APOH: variants seen among roughly 807,000 people sequenced by gnomAD.
APOH encodes the protein apolipoprotein H, also known as beta-2-glycoprotein 1.
APOH carries 48 observed loss-of-function variants against 39.8 expected under a neutral mutation model. The observed-to-expected ratio is 1.21, with a 90% CI of 0.96 to 1.54. The LOEUF (loss-of-function observed/expected upper bound fraction) is 1.54, where lower values mean the gene tolerates loss of function less well. Among genes scored for constraint, APOH ranks in the 40% most tolerant of loss-of-function variants. The pLI, the probability that APOH is intolerant of heterozygous loss-of-function variation, is 0.00. For synonymous variants in APOH, 153 were observed against 151.1 expected (o/e 1.01, Z -0.09); for missense variants, 415 against 421.2 (o/e 0.99, Z 0.13).
In APOH at chr17:66,212,121, C is replaced by A; in HGVS notation, c.*12G>T. Reference sequence around the variant, plus strand: ...ACAAGTGTGACATTTTGTGTGGAATCTGAAAACCACCTTAGCATGGCTTTA... The same window carrying A: ...ACAAGTGTGACATTTTGTGTGGAATATGAAAACCACCTTAGCATGGCTTTA... On this transcript the variant is annotated 3_prime_UTR_variant, in exon 8 of 8. Coordinates refer to ENST00000205948, the MANE Select transcript of APOH (RefSeq NM_000042.3). 6.2e-7 allele frequency: 1 copy of A among 1,611,258 alleles called. No individual in the cohort carries two copies. Among genetic ancestry groups the A allele is most frequent in the Non-Finnish European group, 8.5e-7 (1 of 1,177,566 alleles).
intron 7 of APOH, among the ~76,000 whole-genome samples, chr17:66,213,052 A>C (rs778862618): frequency 2.0e-5 from 3 of 152,204 alleles, no homozygotes; most frequent in Admixed American, 2.0e-4. Context: ...AACCAACCCC[A>C]TGAGGTGGGT....
chr17:66,215,283 A>G (rs1333235697), intron 6 of APOH, among the ~76,000 whole-genome samples: 1 of 152,178 alleles, frequency 6.6e-6, no homozygotes, highest in East Asian at 1.9e-4. Context: ...CAGAGACCAC[A>G]TTTCTCCCTG....
At chr17:66,221,266 A>AAAGG (rs369169198) in intron 4 of APOH, among the ~76,000 whole-genome samples, 2,952 of 120,354 alleles carry the variant, frequency 0.025, 137 homozygotes, top group African/African-American at 0.075. Flanking sequence ...AGAGAGAAAG[A>AAAGG]AAGGAAGGAA....
Position 66,220,598 on chromosome 17 carries a change from G to GC in APOH, c.559_560insG (p.Thr187SerfsTer10). 6.2e-7 allele frequency: 1 copy of GC among 1,614,174 alleles called. No homozygotes were observed. The highest frequency in any genetic ancestry group is 1.3e-5 in the African/African-American group (1 of 75,048). On this transcript the variant is annotated frameshift_variant, in exon 5 of 8. Coordinates refer to ENST00000205948, the MANE Select transcript of APOH (RefSeq NM_000042.3). LOFTEE classifies it high-confidence loss of function. ...AGTCCAATTTCCATGTGTCGTGCAG[G>GC]TAATTGTATCATTTCCAAACATCGC... is the stretch of plus-strand genomic sequence containing the variant.
rs550030319 is a variant in APOH at position 66,212,746 on chromosome 17, A to G, written c.983-558T>C. On this transcript the variant is annotated intron_variant, in intron 7 of 7. Coordinates refer to ENST00000205948, the MANE Select transcript of APOH (RefSeq NM_000042.3). ...CAGTGAAGACTGTTCTATAACAGTCAAGATTAAAGGGGAAAAAACAGTATC... is the reference window on the plus strand; with the variant it reads ...CAGTGAAGACTGTTCTATAACAGTCGAGATTAAAGGGGAAAAAACAGTATC... 3.3e-5 allele frequency among the ~76,000 whole-genome samples: 5 copies of G among 152,338 alleles called. No homozygotes were observed. In the South Asian group the frequency reaches 1.0e-3, roughly 32 times the overall value.
At chr17:66,217,724 A>T (rs1235579750) in intron 5 of APOH, among the ~76,000 whole-genome samples, 2 of 152,046 alleles carry the variant, frequency 1.3e-5, no homozygotes, top group Admixed American at 6.6e-5. Context: ...GCTGAGGTGG[A>T]TGCTGAGGAG....
Position 66,228,191 on chromosome 17 carries a change from G to A in APOH, c.70C>T (p.Pro24Ser). ...CHVAIAGRTC[P>S]KPDDLPFSTV... ...GAAAATGGTAAATCATCTGGCTTGG[G>A]ACAGGCTGAAAGAGGGCACAAAGCA... The change falls in exon 2 of 8, where the codon CCC becomes TCC. Residue 24 changes from proline (P) to serine (S), a missense_variant. Pro to Ser is a moderately conservative substitution (Grantham distance 74, BLOSUM62 -1). Coordinates refer to ENST00000205948, the MANE Select transcript of APOH (RefSeq NM_000042.3). 6.2e-7 allele frequency: 1 copy of A among 1,613,558 alleles called. No homozygotes were observed. The highest frequency in any genetic ancestry group is 1.1e-5 in the South Asian group (1 of 90,990).
At chr17:66,226,900 T>A (rs896113529) in intron 2 of APOH, among the ~76,000 whole-genome samples, 1 of 134,032 alleles carries the variant, frequency 7.5e-6, no homozygotes, top group African/African-American at 2.9e-5. Context: ...TATTTATTTT[T>A]TTTTTTGAGA....
intron 6 of APOH, among the ~76,000 whole-genome samples, chr17:66,214,943 A>T (rs2073355944): frequency 6.7e-6 from 1 of 149,468 alleles, no homozygotes; most frequent in Non-Finnish European, 1.5e-5. Flanking sequence ...AAAAAAAGCA[A>T]CTAACAGATA....
chr17:66,225,833 C>A (rs8178909), intron 3 of APOH, among the ~76,000 whole-genome samples, 195 bp downstream of exon 3: 142 of 151,562 alleles, frequency 9.4e-4, no homozygotes, highest in African/African-American at 3.1e-3. Context: ...GCCGAGACTG[C>A]ACCACTGCGC....
chr17:66,214,671 A>G (rs546354426), intron 6 of APOH, 21 bp from the exon 7 acceptor site: 1 of 1,592,952 alleles, frequency 6.3e-7, no homozygotes, highest in East Asian at 2.2e-5. Flanking sequence ...GAATACTTGT[A>G]ATCAGGACTT....
In APOH at chr17:66,220,473, C is replaced by T. The variant is rs8178926; in HGVS notation, c.604+81G>A. 4,638 of 1,375,336 alleles carry T rather than the reference C, an allele frequency of 3.4e-3. 131 individuals carry two copies. In the African/African-American group the frequency reaches 0.055, roughly 16 times the overall value. 85.2% of individuals were successfully genotyped at this position (1,375,336 alleles called of 1,614,324 possible). A position where few individuals can be genotyped will look rare whatever the true frequency, so the allele number is the denominator to read the frequency against. The stretch of plus-strand genomic sequence containing the variant: ...TTGAATGAGTTCATTGGAAACACTC[C>T]ATGATAGTCAGAATTTTCAATACCT... On this transcript the variant is annotated intron_variant, in intron 5 of 7. Transcript: ENST00000205948.
intron 6 of APOH, 151 bp from the exon 7 acceptor site, chr17:66,214,801 A>G (rs192681487): frequency 1.5e-6 from 1 of 652,816 alleles, no homozygotes; most frequent in East Asian, 2.7e-5. Context: ...TAATGGTAAT[A>G]TGATTGCTAA....
intron 4 of APOH, 58 bp from the exon 5 acceptor site, chr17:66,220,800 C>G (rs1598551696): frequency 2.1e-6 from 3 of 1,447,810 alleles, no homozygotes; most frequent in East Asian, 2.3e-5. Flanking sequence ...TAAATATACT[C>G]TTTCCAGAAA....
At position 66,229,348 on chromosome 17, in the gene APOH, C is replaced by T; in HGVS notation, c.32G>A (p.Ser11Asn). ...TGCAATAGCAACATGGCAGAGAAAA[C>T]TCGAGAACAAGATGAGCACTGGAGA... MISPVLILFS[S>N]FLCHVAIAGR... is the part of the protein sequence containing the mutation. The change falls in exon 1 of 8, where the codon AGT becomes AAT. Residue 11 changes from serine to asparagine, a missense_variant. By Grantham distance (46) the Ser-to-Asn change is conservative. This residue lies in a region of APOH where 288 missense variants were observed against 284.9 expected (regional missense o/e 1.01). Coordinates refer to ENST00000205948, the MANE Select transcript of APOH (RefSeq NM_000042.3). 6 of 1,613,812 alleles carry T rather than the reference C, an allele frequency of 3.7e-6. No individual in the cohort carries two copies. Among genetic ancestry groups the T allele is most frequent in the Non-Finnish European group, 5.1e-6 (6 of 1,179,820 alleles).
intron 6 of APOH, among the ~76,000 whole-genome samples, chr17:66,215,530 C>T (rs537762568): frequency 1.4e-4 from 22 of 152,314 alleles, no homozygotes; most frequent in African/African-American, 3.1e-4. Context: ...CTCGAATCCC[C>T]GTCTCAGGCT....
intron 4 of APOH, 126 bp from the exon 5 acceptor site, chr17:66,220,868 G>T: frequency 9.8e-7 from 1 of 1,023,048 alleles, no homozygotes; most frequent in African/African-American, 1.6e-5. Context: ...AATTAGCAGG[G>T]TAAAAATTGT....
chr17:66,220,691 T>C lies in APOH; in HGVS notation c.467A>G (p.Tyr156Cys), dbSNP rs2073392343. 4 of 1,614,106 alleles carry C rather than the reference T, an allele frequency of 2.5e-6. No individual in the cohort carries two copies. The highest frequency in any genetic ancestry group is 3.4e-6 in the Non-Finnish European group (4 of 1,180,012). Reference protein sequence around the residue: ...SIPTFATLRVYKPSAGNNSLY... With the variant: ...SIPTFATLRVCKPSAGNNSLY... ...GGAATTGTTTCCAGCTGATGGCTTA[T>C]AAACACGAAGTGTTGCAAACGTAGG... The change falls in exon 5 of 8, where the codon TAT becomes TGT. Residue 156 changes from tyrosine to cysteine, a missense_variant. Transcript: ENST00000205948.
chr17:66,216,786 A>G lies in APOH; in HGVS notation c.784+2T>C. 1.9e-6 allele frequency: 3 copies of G among 1,587,844 alleles called. No individual in the cohort carries two copies. The highest frequency in any genetic ancestry group is 2.6e-6 in the Non-Finnish European group (3 of 1,169,212). ...TACAGGACCTCGCCTATATTTCCAT[A>G]CCTTTACAACTTGGCATGGCAGACC... On this transcript the variant is annotated splice_donor_variant, in intron 6 of 7. Coordinates refer to ENST00000205948, the MANE Select transcript of APOH (RefSeq NM_000042.3). LOFTEE classifies it high-confidence loss of function.
Sources: allele counts gnomAD v4.1 joint callset (sites outside exome capture counted in the v4.1 genomes callset), GRCh38; gene constraint gnomAD v4.1.1; regional missense constraint gnomAD v4.1.1; transcripts MANE v1.5; gene names NCBI Gene and HGNC (gene_info 2026-07-23, HGNC 2026-07-21).